Variants in GM2A observed in about 807,000 individuals in gnomAD.
GM2A encodes the protein GM2 ganglioside activator.
Under a neutral mutation model 12.9 loss-of-function variants are expected in GM2A, and 7 were observed. That is an observed-to-expected ratio of 0.54 (90% CI 0.31 to 1.02). The LOEUF (loss-of-function observed/expected upper bound fraction) is 1.02. Among genes scored for constraint, GM2A ranks in the 50% least tolerant of loss-of-function variants. GM2A has a pLI of 0.05. For synonymous variants in GM2A, 101 were observed against 96.0 expected, an observed-to-expected ratio of 1.05 and a Z score of -0.30; for missense variants, 246 against 241.0, an observed-to-expected ratio of 1.02 and a Z score of -0.14.
At chr5:151,261,509 G>C (rs987140132) in intron 2 of GM2A, among the ~76,000 whole-genome samples, 9 of 152,224 alleles carry the variant, frequency 5.9e-5, no homozygotes, top group African/African-American at 2.2e-4. Flanking sequence ...CGCAATCTCA[G>C]CTCCCTGCAA....
At position 151,270,182 on chromosome 5, in the gene GM2A, C is replaced by A; in HGVS notation, c.*2731C>A. 2.8e-6 allele frequency: 3 copies of A among 1,088,360 alleles called. No individual in the cohort carries two copies. The highest frequency in any genetic ancestry group is 1.2e-6 in the Non-Finnish European group (1 of 857,030). 67.4% of individuals were successfully genotyped at this position (1,088,360 alleles called of 1,614,324 possible). On this transcript the variant is annotated 3_prime_UTR_variant, in exon 4 of 4. Coordinates refer to ENST00000357164, the MANE Select transcript of GM2A (RefSeq NM_000405.5). ...CAGACTTTAATAAATGGTGCTGAGCCAACTGGAAAGCCCCTTGGAGAAAGT... is the reference window on the plus strand; with the variant it reads ...CAGACTTTAATAAATGGTGCTGAGCAAACTGGAAAGCCCCTTGGAGAAAGT...
chr5:151,269,488 C>T lies in GM2A; in HGVS notation c.*2037C>T. On this transcript the variant is annotated 3_prime_UTR_variant, in exon 4 of 4. Transcript: ENST00000357164. Reference sequence around the variant, plus strand: ...TCATGACTGCGGAGAGCAAAAATCACCTAGTGACCATTGAACAGGTCCCAG... The same window carrying T: ...TCATGACTGCGGAGAGCAAAAATCATCTAGTGACCATTGAACAGGTCCCAG... The T allele has an allele frequency of 1.0e-6, 1 of 975,122 alleles. No individual in the cohort carries two copies. Among genetic ancestry groups the T allele is most frequent in the Non-Finnish European group, 1.2e-6 (1 of 820,670 alleles). 60.4% of individuals were successfully genotyped at this position (975,122 alleles called of 1,614,324 possible).
At chr5:151,265,933 A>T (rs1753877503) in intron 2 of GM2A, among the ~76,000 whole-genome samples, 1 of 152,122 alleles carries the variant, frequency 6.6e-6, no homozygotes. Flanking sequence ...TATTGTTCTT[A>T]ATTCTGTCTT....
At chr5:151,261,097 T>C (rs1265215110) in intron 2 of GM2A, among the ~76,000 whole-genome samples, 1 of 152,180 alleles carries the variant, frequency 6.6e-6, no homozygotes, top group Non-Finnish European at 1.5e-5. Context: ...TGATCATGGC[T>C]TACTGCAGCC....
chr5:151,266,447 C>CAAAAAAAAAAAAAAAAAAAAAAA (rs59997121), intron 2 of GM2A, among the ~76,000 whole-genome samples: 6 of 106,162 alleles, frequency 5.7e-5, no homozygotes, highest in Non-Finnish European at 1.1e-4. Flanking sequence ...AGCCATGATA[C>CAAAAAAAAAAAAAAAAAAAAAAA]AAAAAAAAAA....
At chr5:151,263,956 C>T (rs2127238466) in intron 2 of GM2A, among the ~76,000 whole-genome samples, 1 of 152,278 alleles carries the variant, frequency 6.6e-6, no homozygotes, top group East Asian at 1.9e-4. Context: ...GATTCCATGG[C>T]CGTGGGTAAG....
rs1753984420 is a variant in GM2A at position 151,270,275 on chromosome 5, A to G, written c.*2824A>G. 1 of 425,866 alleles carries G rather than the reference A, an allele frequency of 2.3e-6. No individual in the cohort carries two copies. The allele number at this position is 425,866 out of a possible 1,614,324, so 26.4% of individuals were successfully genotyped here. On this transcript the variant is annotated 3_prime_UTR_variant, in exon 4 of 4. Coordinates refer to ENST00000357164, the MANE Select transcript of GM2A (RefSeq NM_000405.5). Reference sequence around the variant, plus strand: ...CCATCTGGATCCAGGATCCAAATGTAAGAAAATGAAGCCATATAAATACAG... The same window carrying G: ...CCATCTGGATCCAGGATCCAAATGTGAGAAAATGAAGCCATATAAATACAG...
At chr5:151,257,995 G>A (rs148081779) in intron 1 of GM2A, among the ~76,000 whole-genome samples, 47 of 152,342 alleles carry the variant, frequency 3.1e-4, no homozygotes, top group Admixed American at 1.4e-3. Context: ...CAGGAGCCAG[G>A]TCTGATTGTT....
In GM2A at chr5:151,267,398, A is replaced by C; in HGVS notation, c.529A>C (p.Ser177Arg). 6.2e-7 allele frequency: 1 copy of C among 1,614,176 alleles called. No individual in the cohort carries two copies. Among genetic ancestry groups the C allele is most frequent in the Non-Finnish European group, 8.5e-7 (1 of 1,180,026 alleles). The change falls in exon 4 of 4, where the codon AGT (serine) becomes CGT (arginine). Residue 177 changes from serine to arginine, a missense_variant. Transcript: ENST00000357164. ...CCGCATAGAGAGCGTCCTGAGCAGC[A>C]GTGGGAAGCGTCTGGGCTGCATCAA... Reference protein sequence around the residue: ...NYRIESVLSSSGKRLGCIKIA... With the variant: ...NYRIESVLSSRGKRLGCIKIA...
In GM2A at chr5:151,269,952, GC is replaced by G. The variant is rs1342709872; in HGVS notation, c.*2502del. 1 of 1,207,988 alleles carries G rather than the reference GC, an allele frequency of 8.3e-7. No homozygotes were observed. Among genetic ancestry groups the G allele is most frequent in the Non-Finnish European group, 1.0e-6 (1 of 973,568 alleles). 74.8% of individuals were successfully genotyped at this position (1,207,988 alleles called of 1,614,324 possible). On this transcript the variant is annotated 3_prime_UTR_variant, in exon 4 of 4. Transcript: ENST00000357164. The stretch of plus-strand genomic sequence containing the variant: ...TGCCGGGGATCTGACACCTCACCTG[GC>G]AATGACCTCCACAGCCGTTTCCCTC...
In GM2A at chr5:151,266,850, T is replaced by G; in HGVS notation, c.363T>G (p.Thr121=). 6.2e-7 allele frequency: 1 copy of G among 1,614,028 alleles called. No individual in the cohort carries two copies. Among genetic ancestry groups the G allele is most frequent in the Non-Finnish European group, 8.5e-7 (1 of 1,179,870 alleles). The change falls in exon 3 of 4, where the codon ACT becomes ACG. Residue 121 remains threonine, a synonymous_variant. Transcript: ENST00000357164. The part of the protein sequence containing the change: ...FCDVLDMLIP[T]GEPCPEPLRT... The stretch of plus-strand genomic sequence containing the variant: ...ATGTGCTTGACATGTTAATTCCTAC[T>G]GGGGAGCCCTGCCCAGAGCCCCTGC...
At chr5:151,257,648 A>G (rs931168598) in intron 1 of GM2A, among the ~76,000 whole-genome samples, 11 of 152,300 alleles carry the variant, frequency 7.2e-5, no homozygotes, top group Middle Eastern at 3.4e-3. Context: ...CCTCCCGATT[A>G]TAGCTTGTGG....
intron 1 of GM2A, among the ~76,000 whole-genome samples, chr5:151,258,275 C>T (rs1275691144): frequency 1.3e-5 from 2 of 152,220 alleles, no homozygotes; most frequent in Non-Finnish European, 1.5e-5. Context: ...AGCCGGCTCC[C>T]GTGTTGTGCC....
chr5:151,267,159 C>A (rs559608980), intron 3 of GM2A, 137 bp from the exon 4 acceptor site: 2 of 1,099,984 alleles, frequency 1.8e-6, no homozygotes, highest in Non-Finnish European at 2.7e-6. Flanking sequence ...GTGCTATGGC[C>A]GTCTCTCATC....
chr5:151,256,438 A>G (rs1266847871), intron 1 of GM2A, among the ~76,000 whole-genome samples: 1 of 151,892 alleles, frequency 6.6e-6, no homozygotes, highest in African/African-American at 2.4e-5. Flanking sequence ...AACCCTGTCC[A>G]TACTAAAAAT....
At chr5:151,264,191 G>A (rs1327630766) in intron 2 of GM2A, among the ~76,000 whole-genome samples, 1 of 152,204 alleles carries the variant, frequency 6.6e-6, no homozygotes, top group African/African-American at 2.4e-5. Context: ...TCATATACAT[G>A]CCTGGGCTCA....
intron 2 of GM2A, among the ~76,000 whole-genome samples, chr5:151,260,599 C>T (rs1351199242): frequency 1.3e-5 from 2 of 152,160 alleles, no homozygotes; most frequent in Non-Finnish European, 2.9e-5. Context: ...GCCTGGGTGA[C>T]AGAGTGAAAC....
In GM2A at chr5:151,269,141, A is replaced by G; in HGVS notation, c.*1690A>G. 2 of 985,408 alleles carry G rather than the reference A, an allele frequency of 2.0e-6. No individual in the cohort carries two copies. Among genetic ancestry groups the G allele is most frequent in the Non-Finnish European group, 2.4e-6 (2 of 829,934 alleles). The allele number at this position is 985,408 out of a possible 1,614,324, so 61.0% of individuals were successfully genotyped here. A position where few individuals can be genotyped will look rare whatever the true frequency, so the allele number is the denominator to read the frequency against. On this transcript the variant is annotated 3_prime_UTR_variant, in exon 4 of 4. Coordinates refer to ENST00000357164, the MANE Select transcript of GM2A (RefSeq NM_000405.5). ...GACATCAAACTGCCTGGATTTTTCT[A>G]CCACCCTGTTACATCATAACAACTT...
chr5:151,266,829 G>T lies in GM2A; in HGVS notation c.342G>T (p.Val114=), dbSNP rs777250593. The change falls in exon 3 of 4, where the codon GTG becomes GTT. Residue 114 remains valine (V), a synonymous_variant. Coordinates refer to ENST00000357164, the MANE Select transcript of GM2A (RefSeq NM_000405.5). ...GSCTFEHFCD[V]LDMLIPTGEP... ...GTACCTTTGAACACTTCTGTGATGT[G>T]CTTGACATGTTAATTCCTACTGGGG... The T allele has an allele frequency of 6.2e-7, 1 of 1,613,870 alleles. No individual in the cohort carries two copies. The highest frequency in any genetic ancestry group is 1.1e-5 in the South Asian group (1 of 91,082).
Sources: allele counts gnomAD v4.1 joint callset (sites outside exome capture counted in the v4.1 genomes callset), GRCh38; gene constraint gnomAD v4.1.1; transcripts MANE v1.5; gene names NCBI Gene and HGNC (gene_info 2026-07-23, HGNC 2026-07-21).